Variants in ANKRD11 observed in about 807,000 individuals in gnomAD.
ANKRD11 encodes ankyrin repeat domain 11.
Under a neutral mutation model 195.7 loss-of-function variants are expected in ANKRD11, and 17 were observed. The observed-to-expected ratio is 0.09, with a 90% CI of 0.06 to 0.13. ANKRD11 has a LOEUF of 0.13. Ranked by LOEUF, ANKRD11 falls within the 10% of genes least tolerant of loss-of-function variation. The probability of loss-of-function intolerance (pLI) is 1.00; values close to 1 mark genes in which losing one functional copy is unlikely to be tolerated. For missense variants in ANKRD11, 3,735 were observed against 3,566.1 expected, an observed-to-expected ratio of 1.05 and a Z score of -1.21; for synonymous variants, 1,953 against 1,528.1, an observed-to-expected ratio of 1.28 and a Z score of -6.49.
chr16:89,353,571 G>A (rs544983627), intron 2 of ANKRD11, among the ~76,000 whole-genome samples: 16 of 151,852 alleles, frequency 1.1e-4, no homozygotes, highest in South Asian at 6.2e-4. Flanking sequence ...TCCGCCTTCC[G>A]GGTTCAAGCA....
At chr16:89,462,302 C>A (rs943470661) in intron 1 of ANKRD11, among the ~76,000 whole-genome samples, 3 of 152,164 alleles carry the variant, frequency 2.0e-5, no homozygotes, top group African/African-American at 4.8e-5. Flanking sequence ...AGCCCCTAAC[C>A]GCAAGTGATC....
At chr16:89,375,430 G>A (rs996586394) in intron 2 of ANKRD11, among the ~76,000 whole-genome samples, 1 of 151,320 alleles carries the variant, frequency 6.6e-6, no homozygotes, top group African/African-American at 2.4e-5. Context: ...AAGCCGCTGC[G>A]CTCCCGCCCA....
chr16:89,427,542 A>C (rs745748760), intron 1 of ANKRD11, among the ~76,000 whole-genome samples: 12 of 152,238 alleles, frequency 7.9e-5, no homozygotes, highest in Non-Finnish European at 1.8e-4. Context: ...CACGCCTGTA[A>C]TCACAGCACT....
intron 1 of ANKRD11, among the ~76,000 whole-genome samples, chr16:89,463,468 G>A (rs543930341): frequency 2.0e-5 from 3 of 152,156 alleles, no homozygotes; most frequent in Non-Finnish European, 4.4e-5. Flanking sequence ...GACGGTTGAA[G>A]GCAGCATACT....
intron 1 of ANKRD11, among the ~76,000 whole-genome samples, chr16:89,484,434 A>G (rs2057540820): frequency 6.6e-6 from 1 of 152,238 alleles, no homozygotes; most frequent in African/African-American, 2.4e-5. Flanking sequence ...TGTGTCAGAT[A>G]TGAATGCAGC....
In ANKRD11 at chr16:89,339,038, C is replaced by T. The variant is rs115687488; in HGVS notation, c.-59-21960G>A. On this transcript the variant is annotated intron_variant, in intron 2 of 12. Coordinates refer to ENST00000301030, the MANE Select transcript of ANKRD11 (RefSeq NM_013275.6). ...GGAAGGAATGATGAGTCCATCTGCTCGTGACCTGAGTCTCTAAACCAGGAG... is the reference window on the plus strand; with the variant it reads ...GGAAGGAATGATGAGTCCATCTGCTTGTGACCTGAGTCTCTAAACCAGGAG... 9.5e-3 allele frequency among the ~76,000 whole-genome samples: 1,453 copies of T among 152,208 alleles called. 33 individuals are homozygous for T. Among genetic ancestry groups the T allele is most frequent in the African/African-American group, 0.033 (1,353 of 41,520 alleles).
At chr16:89,456,955 G>A (rs1234135223) in intron 1 of ANKRD11, among the ~76,000 whole-genome samples, 1 of 101,818 alleles carries the variant, frequency 9.8e-6, no homozygotes, top group South Asian at 3.6e-4. Context: ...CGTTATGTGA[G>A]TCTTTTTTTT....
At chr16:89,415,834 A>AAAAAAAAAAAAAAAAAAAAAAAC in intron 2 of ANKRD11, among the ~76,000 whole-genome samples, 1 of 139,926 alleles carries the variant, frequency 7.1e-6, no homozygotes, top group Non-Finnish European at 1.6e-5. Flanking sequence ...TGTCTCAAAA[A>AAAAAAAAAAAAAAAAAAAAAAAC]AAAAAAAAAA....
At chr16:89,439,451 C>T (rs1422645620) in intron 1 of ANKRD11, among the ~76,000 whole-genome samples, 1 of 152,212 alleles carries the variant, frequency 6.6e-6, no homozygotes, top group Non-Finnish European at 1.5e-5. Flanking sequence ...CAGGGACTAT[C>T]TGTATACACT....
intron 2 of ANKRD11, among the ~76,000 whole-genome samples, chr16:89,327,517 C>T (rs2037798922): frequency 6.6e-6 from 1 of 151,994 alleles, no homozygotes; most frequent in African/African-American, 2.4e-5. Flanking sequence ...TAATAGAGTT[C>T]AGCAAGGACA....
intron 1 of ANKRD11, among the ~76,000 whole-genome samples, chr16:89,473,837 C>G (rs1020659110): frequency 5.9e-5 from 9 of 152,180 alleles, no homozygotes; most frequent in African/African-American, 2.2e-4. Context: ...CTGTGACGTG[C>G]TTCTAACCCA....
intron 1 of ANKRD11, among the ~76,000 whole-genome samples, chr16:89,464,998 T>C (rs954413607): frequency 2.6e-5 from 4 of 152,256 alleles, no homozygotes; most frequent in Non-Finnish European, 5.9e-5. Flanking sequence ...GAATGAGGTT[T>C]ATATTTATAC....
At chr16:89,332,478 C>A (rs2038119046) in intron 2 of ANKRD11, among the ~76,000 whole-genome samples, 1 of 152,220 alleles carries the variant, frequency 6.6e-6, no homozygotes, top group African/African-American at 2.4e-5. Context: ...AGAAATGACA[C>A]CTGCAGGCCA....
intron 4 of ANKRD11, among the ~76,000 whole-genome samples, chr16:89,304,586 A>G (rs2036059790): frequency 6.7e-6 from 1 of 149,552 alleles, no homozygotes; most frequent in Non-Finnish European, 1.5e-5. Flanking sequence ...ACATACAAGT[A>G]CATACACACA....
chr16:89,389,068 G>A (rs1050426404), intron 2 of ANKRD11, among the ~76,000 whole-genome samples: 1 of 152,210 alleles, frequency 6.6e-6, no homozygotes, highest in African/African-American at 2.4e-5. Flanking sequence ...AAATAGGACA[G>A]CAATGGATTA....
intron 1 of ANKRD11, among the ~76,000 whole-genome samples, chr16:89,423,412 C>A (rs2042593245): frequency 2.6e-5 from 4 of 152,366 alleles, no homozygotes; most frequent in African/African-American, 9.6e-5. Flanking sequence ...CTGCTTCCCA[C>A]AGAACGGCCC....
chr16:89,438,875 G>A (rs1030927794), intron 1 of ANKRD11, among the ~76,000 whole-genome samples: 3 of 151,918 alleles, frequency 2.0e-5, no homozygotes, highest in African/African-American at 4.8e-5. Flanking sequence ...CAGGTGTGGG[G>A]TTGCATGCCT....
intron 4 of ANKRD11, chr16:89,300,145 GC>G (rs2035755274): frequency 5.1e-6 from 1 of 195,716 alleles, no homozygotes; most frequent in Non-Finnish European, 1.0e-5. Context: ...TGTGTGGGGT[GC>G]CTGCCCTGTG....
At chr16:89,274,278 C>T (rs2033445841) in intron 11 of ANKRD11, among the ~76,000 whole-genome samples, 1 of 152,206 alleles carries the variant, frequency 6.6e-6, no homozygotes. Flanking sequence ...ATGGGCAGGA[C>T]AGTGACTGTA....
Sources: allele counts gnomAD v4.1 joint callset (sites outside exome capture counted in the v4.1 genomes callset), GRCh38; gene constraint gnomAD v4.1.1; transcripts MANE v1.5; gene names NCBI Gene and HGNC (gene_info 2026-07-23, HGNC 2026-07-21).